TCF4: variants seen among roughly 807,000 people sequenced by gnomAD.
The protein encoded by TCF4 is SL3-3 enhancer factor 2.
A neutral mutation model predicts 82.1 loss-of-function variants in TCF4; 3 were observed. The observed-to-expected ratio is 0.04, with a 90% confidence interval of 0.02 to 0.09. TCF4 has a LOEUF of 0.09. Ranked by LOEUF, TCF4 falls within the 10% of genes least tolerant of loss-of-function variation. TCF4 has a pLI of 1.00. For synonymous variants in TCF4, 276 were observed against 309.6 expected (o/e 0.89, Z 1.14); for missense variants, 518 against 852.7 (o/e 0.61, Z 4.89).
At chr18:55,620,597 T>C (rs2097716785) in intron 2 of TCF4, among the ~76,000 whole-genome samples, 1 of 152,186 alleles carries the variant, frequency 6.6e-6, no homozygotes, top group South Asian at 2.1e-4. Context: ...TTCCCCACTT[T>C]CAACTCTGTC....
At chr18:55,513,866 A>G (rs897107016) in intron 3 of TCF4, among the ~76,000 whole-genome samples, 1 of 152,188 alleles carries the variant, frequency 6.6e-6, no homozygotes, top group Admixed American at 6.5e-5. Context: ...GAAAATACAT[A>G]TGCATTAAAG....
intron 3 of TCF4, among the ~76,000 whole-genome samples, chr18:55,481,248 G>A (rs930439722): frequency 2.6e-5 from 4 of 152,056 alleles, no homozygotes; most frequent in South Asian, 2.1e-4. Flanking sequence ...CTGGTAACTC[G>A]GAACTGGCAC....
intron 10 of TCF4, among the ~76,000 whole-genome samples, chr18:55,274,539 CAAAAGA>C: frequency 6.6e-6 from 1 of 152,030 alleles, no homozygotes; most frequent in Non-Finnish European, 1.5e-5. Flanking sequence ...ACTGGTTGAG[CAAAAGA>C]GAGCAAAGAC....
intron 8 of TCF4, among the ~76,000 whole-genome samples, chr18:55,347,444 T>C (rs2081432405): frequency 6.6e-6 from 1 of 152,130 alleles, no homozygotes; most frequent in African/African-American, 2.4e-5. Flanking sequence ...TGGTGGGTCT[T>C]CTGTTATCCC....
intron 5 of TCF4, among the ~76,000 whole-genome samples, chr18:55,449,629 G>A (rs530896524): frequency 6.6e-6 from 1 of 152,348 alleles, no homozygotes; most frequent in East Asian, 1.9e-4. Flanking sequence ...CCAAGGTGAG[G>A]AAAAGGCACG....
chr18:55,488,010 T>G (rs1371295601), intron 3 of TCF4, among the ~76,000 whole-genome samples: 1 of 152,240 alleles, frequency 6.6e-6, no homozygotes, highest in Non-Finnish European at 1.5e-5. Flanking sequence ...ATTTTATGTA[T>G]GATTTTGCAA....
chr18:55,273,989 G>C (rs192310465), intron 10 of TCF4, among the ~76,000 whole-genome samples: 197 of 152,174 alleles, frequency 1.3e-3, no homozygotes, highest in African/African-American at 4.3e-3. Context: ...AAACACAGAA[G>C]GGAAGAAAAA....
intron 15 of TCF4, among the ~76,000 whole-genome samples, chr18:55,253,005 A>C (rs1404124589): frequency 6.6e-6 from 1 of 152,218 alleles, no homozygotes; most frequent in African/African-American, 2.4e-5. Flanking sequence ...ACATATAAAC[A>C]ATTTTTATTC....
At chr18:55,322,484 G>C in intron 8 of TCF4, 12 of 1,003,694 alleles carry the variant, frequency 1.2e-5, no homozygotes, top group Non-Finnish European at 1.4e-5. Context: ...AAAGGAGAGA[G>C]GGGGCAGTGT....
In TCF4 at chr18:55,461,237, G is replaced by T. The variant is rs73479266; in HGVS notation, c.208-122C>A. On this transcript the variant is annotated intron_variant, in intron 4 of 19. Coordinates refer to ENST00000354452, the MANE Select transcript of TCF4 (RefSeq NM_001083962.2). ...AATTGGAGTCCACTATTCCCTCCCT[G>T]GAACTTCACTAGAAGGAATCTGCAC... The T allele has an allele frequency of 0.04, 30,110 of 758,232 alleles. 967 individuals are homozygous for T. The highest frequency in any genetic ancestry group is 0.13 in the African/African-American group (7,184 of 56,988). 47.0% of individuals were successfully genotyped at this position (758,232 alleles called of 1,614,324 possible).
intron 3 of TCF4, chr18:55,482,116 T>C (rs2096445840): frequency 6.6e-6 from 1 of 152,184 alleles, no homozygotes; most frequent in Admixed American, 6.5e-5. Context: ...TCTACTATAT[T>C]AGCAAGGACA....
At chr18:55,488,908 A>G (rs2096546468) in intron 3 of TCF4, among the ~76,000 whole-genome samples, 1 of 152,210 alleles carries the variant, frequency 6.6e-6, no homozygotes, top group Admixed American at 6.5e-5. Flanking sequence ...GATTGTGTGT[A>G]CCTGTGCTGA....
intron 2 of TCF4, among the ~76,000 whole-genome samples, chr18:55,598,860 A>G (rs2097693873): frequency 6.6e-6 from 1 of 152,242 alleles, no homozygotes; most frequent in Admixed American, 6.5e-5. Context: ...GCCCAATTTT[A>G]TGTCAGGCTA....
chr18:55,562,817 G>A (rs1459342797), intron 3 of TCF4, among the ~76,000 whole-genome samples: 1 of 152,122 alleles, frequency 6.6e-6, no homozygotes, highest in East Asian at 1.9e-4. Context: ...TCCAGGCCTA[G>A]TTGTGCTAGT....
intron 13 of TCF4, among the ~76,000 whole-genome samples, chr18:55,258,856 C>A (rs2057440977): frequency 6.6e-6 from 1 of 152,092 alleles, no homozygotes; most frequent in Non-Finnish European, 1.5e-5. Context: ...ACTCTAGTTT[C>A]TATTTCCACC....
chr18:55,328,680 T>C (rs762731976), intron 8 of TCF4, among the ~76,000 whole-genome samples: 5 of 152,208 alleles, frequency 3.3e-5, no homozygotes, highest in African/African-American at 9.6e-5. Context: ...ATCCTGGTTA[T>C]GTTTATTTGT....
At chr18:55,360,185 TA>T (rs2084731289) in intron 6 of TCF4, among the ~76,000 whole-genome samples, 1 of 152,244 alleles carries the variant, frequency 6.6e-6, no homozygotes, top group African/African-American at 2.4e-5. Flanking sequence ...AACAGCTGGC[TA>T]AAAAAATGAC....
intron 8 of TCF4, among the ~76,000 whole-genome samples, chr18:55,290,776 A>G (rs1484829764): frequency 6.6e-6 from 1 of 152,172 alleles, no homozygotes; most frequent in African/African-American, 2.4e-5. Flanking sequence ...ACACAAGCAG[A>G]AAGTCACACT....
At chr18:55,531,372 C>A (rs1568329188) in intron 3 of TCF4, among the ~76,000 whole-genome samples, 1 of 151,998 alleles carries the variant, frequency 6.6e-6, no homozygotes, top group Non-Finnish European at 1.5e-5. Context: ...CCAGTGTTTA[C>A]CATGATGATT....
Sources: allele counts gnomAD v4.1 joint callset (sites outside exome capture counted in the v4.1 genomes callset), GRCh38; gene constraint gnomAD v4.1.1; transcripts MANE v1.5; gene names NCBI Gene and HGNC (gene_info 2026-07-23, HGNC 2026-07-21).